GRID2: variants seen among roughly 807,000 people sequenced by gnomAD.
GRID2 encodes glutamate ionotropic receptor delta type subunit 2, also known as glutamate receptor ionotropic, delta-2.
GRID2 carries 33 observed loss-of-function variants against 114.8 expected under a neutral mutation model. The observed-to-expected ratio is 0.29, with a 90% CI of 0.22 to 0.38. The LOEUF is 0.38. Among genes scored for constraint, GRID2 ranks in the 10% least tolerant of loss-of-function variants. GRID2 has a pLI of 1.00. For synonymous variants in GRID2, 505 were observed against 449.9 expected (o/e 1.12, Z -1.55); for missense variants, 1,184 against 1,257.7 (o/e 0.94, Z 0.89).
chr4:93,163,390 A>AGTG (rs1288614257), intron 4 of GRID2, among the ~76,000 whole-genome samples: 1 of 40,776 alleles, frequency 2.5e-5, no homozygotes, highest in African/African-American at 1.2e-4. Context: ...ATATATATAT[A>AGTG]TATATATATA....
intron 2 of GRID2, among the ~76,000 whole-genome samples, chr4:92,731,372 C>T (rs1194620776): frequency 6.6e-6 from 1 of 151,750 alleles, no homozygotes; most frequent in African/African-American, 2.4e-5. Flanking sequence ...ATACCTAATA[C>T]CAATTACCAA....
chr4:93,115,817 G>T (rs867779164), intron 4 of GRID2, among the ~76,000 whole-genome samples: 1 of 152,060 alleles, frequency 6.6e-6, no homozygotes, highest in Non-Finnish European at 1.5e-5. Flanking sequence ...AGAACAGTAT[G>T]AGGGAAACTG....
intron 1 of GRID2, among the ~76,000 whole-genome samples, chr4:92,325,930 C>A (rs944034591): frequency 6.6e-6 from 1 of 151,588 alleles, no homozygotes; most frequent in East Asian, 1.9e-4. Flanking sequence ...TCCACATTCC[C>A]GGGTCTACTC....
At chr4:93,328,605 AATTT>A (rs1379963869) in intron 8 of GRID2, among the ~76,000 whole-genome samples, 1 of 152,072 alleles carries the variant, frequency 6.6e-6, no homozygotes, top group African/African-American at 2.4e-5. Flanking sequence ...TACATTTTCA[AATTT>A]ATTCCAAATT....
intron 2 of GRID2, among the ~76,000 whole-genome samples, chr4:92,951,655 C>T (rs1039363987): frequency 2.6e-5 from 4 of 152,026 alleles, no homozygotes; most frequent in African/African-American, 9.7e-5. Context: ...TAGGTAATAC[C>T]ACCATAAGTT....
chr4:92,450,182 A>G (rs1376045235), intron 1 of GRID2, among the ~76,000 whole-genome samples: 1 of 152,100 alleles, frequency 6.6e-6, no homozygotes, highest in Admixed American at 6.6e-5. Context: ...ATAGTGTGAT[A>G]TTATAATAAT....
chr4:92,521,455 C>T (rs1432510840), intron 1 of GRID2, among the ~76,000 whole-genome samples: 1 of 151,908 alleles, frequency 6.6e-6, no homozygotes, highest in East Asian at 1.9e-4. Context: ...ATTAAATGCT[C>T]AGGATTCACT....
At chr4:92,560,906 C>T (rs1194520839) in intron 1 of GRID2, among the ~76,000 whole-genome samples, 4 of 152,034 alleles carry the variant, frequency 2.6e-5, no homozygotes, top group Non-Finnish European at 4.4e-5. Context: ...CAGGGTTTCA[C>T]CATGTTGGTC....
intron 12 of GRID2, among the ~76,000 whole-genome samples, chr4:93,494,448 A>G (rs1727328012): frequency 6.6e-6 from 1 of 151,766 alleles, no homozygotes; most frequent in African/African-American, 2.4e-5. Context: ...GGAGCAATCT[A>G]ATAGATTTAT....
intron 1 of GRID2, among the ~76,000 whole-genome samples, chr4:92,560,037 CT>C (rs1346499982): frequency 6.6e-6 from 1 of 152,008 alleles, no homozygotes; most frequent in Non-Finnish European, 1.5e-5. Flanking sequence ...TATCTTTGGC[CT>C]TATATCATTA....
At chr4:92,466,846 T>C (rs1721777220) in intron 1 of GRID2, among the ~76,000 whole-genome samples, 1 of 151,662 alleles carries the variant, frequency 6.6e-6, no homozygotes. Flanking sequence ...GTGTGTGTTA[T>C]ATATATATGT....
intron 10 of GRID2, among the ~76,000 whole-genome samples, chr4:93,431,422 G>T (rs1278211475): frequency 1.3e-5 from 2 of 151,776 alleles, no homozygotes; most frequent in African/African-American, 2.4e-5. Context: ...AAAATAAGAA[G>T]AATTTATGAA....
intron 8 of GRID2, among the ~76,000 whole-genome samples, chr4:93,392,755 C>G (rs1182028064): frequency 1.3e-5 from 2 of 151,954 alleles, no homozygotes; most frequent in African/African-American, 4.8e-5. Flanking sequence ...TCCCTTCCTA[C>G]CTTAAATAGA....
chr4:92,449,676 G>GATACATAT (rs1553936045), intron 1 of GRID2, among the ~76,000 whole-genome samples: 1 of 96,764 alleles, frequency 1.0e-5, no homozygotes, highest in African/African-American at 4.2e-5. Flanking sequence ...TTTTCTTACT[G>GATACATAT]ATATATATAT....
At chr4:92,704,970 G>A (rs1480932798) in intron 2 of GRID2, among the ~76,000 whole-genome samples, 2 of 152,026 alleles carry the variant, frequency 1.3e-5, no homozygotes, top group East Asian at 3.9e-4. Context: ...GTTTTTGTAA[G>A]CATTTCAAGG....
At chr4:92,409,208 C>G (rs1013790973) in intron 1 of GRID2, among the ~76,000 whole-genome samples, 1 of 152,026 alleles carries the variant, frequency 6.6e-6, no homozygotes. Context: ...AAGCTTTTCA[C>G]GTGTATTTTG....
chr4:92,969,498 T>A (rs554809312), intron 2 of GRID2, among the ~76,000 whole-genome samples: 2 of 151,954 alleles, frequency 1.3e-5, no homozygotes, highest in South Asian at 4.1e-4. Context: ...AAATTCATTC[T>A]TCTAGATGGA....
intron 1 of GRID2, among the ~76,000 whole-genome samples, chr4:92,349,912 T>C (rs1453034511): frequency 1.3e-5 from 2 of 151,904 alleles, no homozygotes; most frequent in East Asian, 3.9e-4. Context: ...CAGTAACCCT[T>C]AAGTTCTTCC....
At chr4:92,353,220 A>G (rs1201242391) in intron 1 of GRID2, among the ~76,000 whole-genome samples, 1 of 151,178 alleles carries the variant, frequency 6.6e-6, no homozygotes, top group Non-Finnish European at 1.5e-5. Flanking sequence ...TTGTTCATAC[A>G]TAGTTTTCCT....
Sources: gnomAD v4.1 joint callset for allele counts (sites outside exome capture counted in the v4.1 genomes callset) on GRCh38, gnomAD v4.1.1 for gene constraint, MANE v1.5 for transcripts, NCBI Gene and HGNC (gene_info 2026-07-23, HGNC 2026-07-21) for gene names.